Variants in CEP112 observed in about 807,000 individuals in gnomAD.
CEP112 encodes centrosomal protein of 112 kDa.
CEP112 carries 127 observed loss-of-function variants against 153.0 expected under a neutral mutation model. The observed-to-expected ratio is 0.83, with a 90% CI of 0.72 to 0.96. The LOEUF (loss-of-function observed/expected upper bound fraction) is 0.96, where lower values mean the gene tolerates loss of function less well. CEP112 is among the 40% of genes least tolerant of loss of function. CEP112 has a pLI of 0.00. For synonymous variants in CEP112, 358 were observed against 374.4 expected (o/e 0.96, Z 0.51); for missense variants, 1,089 against 1,101.2 (o/e 0.99, Z 0.16).
intron 23 of CEP112, among the ~76,000 whole-genome samples, chr17:65,695,696 A>C (rs908367091): frequency 2.0e-5 from 3 of 152,186 alleles, no homozygotes; most frequent in Non-Finnish European, 4.4e-5. Flanking sequence ...ATTTTTTAAA[A>C]AATGTTCCCA....
intron 11 of CEP112, among the ~76,000 whole-genome samples, chr17:66,058,934 A>T (rs936547400): frequency 6.6e-6 from 1 of 152,196 alleles, no homozygotes; most frequent in African/African-American, 2.4e-5. Context: ...TACAATAACC[A>T]AAACCACATG....
intron 23 of CEP112, among the ~76,000 whole-genome samples, chr17:65,692,933 C>A (rs1246029146): frequency 6.6e-6 from 1 of 152,142 alleles, no homozygotes; most frequent in East Asian, 1.9e-4. Flanking sequence ...TTCTGACTGT[C>A]CTTCATGTGG....
At chr17:66,144,759 T>C (rs2070852287) in intron 4 of CEP112, among the ~76,000 whole-genome samples, 2 of 152,218 alleles carry the variant, frequency 1.3e-5, no homozygotes, top group Non-Finnish European at 2.9e-5. Context: ...AAACCATAAT[T>C]TGCTTTTCTA....
chr17:66,008,321 C>T (rs2064361339), intron 16 of CEP112, among the ~76,000 whole-genome samples: 1 of 151,980 alleles, frequency 6.6e-6, no homozygotes, highest in South Asian at 2.1e-4. Flanking sequence ...TAATAATAAT[C>T]ACCATATTAT....
At chr17:66,041,098 T>TA (rs5821550) in intron 12 of CEP112, among the ~76,000 whole-genome samples, 142,846 of 146,452 alleles carry the variant, frequency 0.98, 69,702 homozygotes, top group East Asian at 1. Flanking sequence ...AATGGCTTGG[T>TA]AAAAAAAAAA....
chr17:65,901,056 G>A (rs2059829111), intron 20 of CEP112, among the ~76,000 whole-genome samples: 1 of 152,074 alleles, frequency 6.6e-6, no homozygotes, highest in South Asian at 2.1e-4. Context: ...CCTATTCTTT[G>A]CCTTACCACC....
chr17:65,771,618 C>G (rs2318869), intron 21 of CEP112, among the ~76,000 whole-genome samples: 72,977 of 151,998 alleles, frequency 0.48, 19,198 homozygotes, highest in East Asian at 0.78. Flanking sequence ...CTCATACAGA[C>G]TAAATGCTCT....
At chr17:66,020,360 AG>A (rs2064954231) in intron 16 of CEP112, among the ~76,000 whole-genome samples, 1 of 152,224 alleles carries the variant, frequency 6.6e-6, no homozygotes, top group South Asian at 2.1e-4. Flanking sequence ...GCACTCATGC[AG>A]GTCAATACGT....
intron 12 of CEP112, among the ~76,000 whole-genome samples, chr17:66,032,967 A>G (rs1332897573): frequency 6.6e-6 from 1 of 152,258 alleles, no homozygotes. Context: ...CGCTGGTTCA[A>G]TAATAACAGA....
chr17:66,170,335 T>A (rs1234679179), intron 4 of CEP112, among the ~76,000 whole-genome samples: 1 of 152,206 alleles, frequency 6.6e-6, no homozygotes, highest in African/African-American at 2.4e-5. Flanking sequence ...TATATTGATA[T>A]AGCTCATGAT....
intron 22 of CEP112, among the ~76,000 whole-genome samples, chr17:65,747,369 T>C (rs1477087859): frequency 6.6e-6 from 1 of 152,132 alleles, no homozygotes; most frequent in Non-Finnish European, 1.5e-5. Flanking sequence ...CATTGGGTAG[T>C]GTGGGACAGT....
At chr17:65,987,769 G>A (rs1256045469) in intron 17 of CEP112, among the ~76,000 whole-genome samples, 1 of 152,134 alleles carries the variant, frequency 6.6e-6, no homozygotes, top group Non-Finnish European at 1.5e-5. Flanking sequence ...ACACTTCCAT[G>A]TATACAATGT....
In CEP112 at chr17:65,937,604, C is replaced by T. The variant is rs1165677102; in HGVS notation, c.1873-9915G>A. Among the ~76,000 whole-genome samples, 2 of 106,564 alleles carry T rather than the reference C, an allele frequency of 1.9e-5. 1 individual carries two copies. The highest frequency in any genetic ancestry group is 6.3e-5 in the African/African-American group (2 of 31,568). The allele number at this position is 106,564 out of a possible 152,430, so 69.9% of individuals were successfully genotyped here. ...CCCCCCACCCGGCCAGCCGCCCCGT[C>T]CGGGAGGGAGGTGGGGGGGTCAGCC... On this transcript the variant is annotated intron_variant, in intron 18 of 26. Transcript: ENST00000535342.
intron 9 of CEP112, among the ~76,000 whole-genome samples, 200 bp downstream of exon 9, chr17:66,069,715 T>A (rs1432166964): frequency 6.6e-6 from 1 of 152,098 alleles, no homozygotes; most frequent in Non-Finnish European, 1.5e-5. Context: ...AATAAACACA[T>A]ATGTTTAGCT....
chr17:65,782,925 C>A (rs899771802), intron 21 of CEP112, among the ~76,000 whole-genome samples: 1 of 151,676 alleles, frequency 6.6e-6, no homozygotes, highest in East Asian at 1.9e-4. Context: ...ACGCAATATA[C>A]CCAGGTAACA....
intron 20 of CEP112, among the ~76,000 whole-genome samples, chr17:65,894,926 G>T (rs1246559633): frequency 6.6e-6 from 1 of 152,106 alleles, no homozygotes; most frequent in Non-Finnish European, 1.5e-5. Flanking sequence ...ATGGCTTGTG[G>T]TCTTGGAGAA....
At chr17:66,046,680 T>C (rs1598217904) in intron 12 of CEP112, among the ~76,000 whole-genome samples, 1 of 152,168 alleles carries the variant, frequency 6.6e-6, no homozygotes, top group East Asian at 1.9e-4. Context: ...GGAAATAGTG[T>C]CTTTGCAGAT....
chr17:65,870,065 G>GA lies in CEP112; in HGVS notation c.2164-18032dup, dbSNP rs150031254. On this transcript the variant is annotated intron_variant, in intron 20 of 26. Coordinates refer to ENST00000535342, the MANE Select transcript of CEP112 (RefSeq NM_001199165.4). ...AGAAAGAAAGAAAGAAAGAAAGAAAGAAAGAAAGAAAGAAAGAAAAGAAAG... is the reference window on the plus strand; with the variant it reads ...AGAAAGAAAGAAAGAAAGAAAGAAAGAAAAGAAAGAAAGAAAGAAAAGAAAG... Among the ~76,000 whole-genome samples, 397 of 79,316 alleles carry GA rather than the reference G, an allele frequency of 5.0e-3. 20 individuals are homozygous for GA. Among genetic ancestry groups the GA allele is most frequent in the East Asian group, 0.019 (47 of 2,510 alleles). The allele number at this position is 79,316 out of a possible 152,430, so 52.0% of individuals were successfully genotyped here.
At chr17:66,162,438 CT>C (rs990541321) in intron 4 of CEP112, among the ~76,000 whole-genome samples, 1 of 152,148 alleles carries the variant, frequency 6.6e-6, no homozygotes, top group African/African-American at 2.4e-5. Flanking sequence ...GATTACACTT[CT>C]AAGTCAACAC....
Sources: allele counts gnomAD v4.1 joint callset (sites outside exome capture counted in the v4.1 genomes callset), GRCh38; gene constraint gnomAD v4.1.1; transcripts MANE v1.5; gene names NCBI Gene and HGNC (gene_info 2026-07-23, HGNC 2026-07-21).